Variants in MDN1 observed in about 807,000 individuals in gnomAD.
The protein encoded by MDN1 is midasin AAA ATPase 1.
MDN1 carries 266 observed loss-of-function variants against 669.2 expected under a neutral mutation model. The observed-to-expected ratio is 0.40, with a 90% CI of 0.36 to 0.44. MDN1 has a LOEUF of 0.44. MDN1 is among the 20% of genes least tolerant of loss of function. The probability of loss-of-function intolerance (pLI) is 1.00; values close to 1 mark genes in which losing one functional copy is unlikely to be tolerated. For missense variants in MDN1, 5,940 were observed against 6,754.0 expected (o/e 0.88, Z 4.22); for synonymous variants, 2,385 against 2,457.1 (o/e 0.97, Z 0.87).
chr6:89,788,612 G>C (rs1819091341), intron 7 of MDN1, among the ~76,000 whole-genome samples: 1 of 152,166 alleles, frequency 6.6e-6, no homozygotes, highest in Non-Finnish European at 1.5e-5. Context: ...CTGAGCTAAG[G>C]GCTTTGAACT....
chr6:89,812,893 G>A (rs1768531619), intron 1 of MDN1, among the ~76,000 whole-genome samples: 1 of 151,986 alleles, frequency 6.6e-6, no homozygotes, highest in African/African-American at 2.4e-5. Flanking sequence ...GAGCCCAAGA[G>A]TTCAAGACCA....
chr6:89,750,339 G>A lies in MDN1; in HGVS notation c.3406+15C>T, dbSNP rs752606015. ...AATAAACACCTATGTCCATGGAATG[G>A]AATCTTAACCCTACCTTCCTTAAAG... On this transcript the variant is annotated intron_variant, in intron 24 of 101. Coordinates refer to ENST00000369393, the MANE Select transcript of MDN1 (RefSeq NM_014611.3). 57 of 1,590,522 alleles carry A rather than the reference G, an allele frequency of 3.6e-5. No individual in the cohort carries two copies. Among genetic ancestry groups the A allele is most frequent in the Non-Finnish European group, 4.4e-5 (51 of 1,160,720 alleles).
At chr6:89,704,139 C>T (rs1209040435) in intron 53 of MDN1, among the ~76,000 whole-genome samples, 1 of 151,594 alleles carries the variant, frequency 6.6e-6, no homozygotes, top group East Asian at 1.9e-4. Flanking sequence ...CCAGCATTTA[C>T]GGAGGTTGAC....
intron 33 of MDN1, 84 bp from the exon 34 acceptor site, chr6:89,732,859 C>A: frequency 8.3e-7 from 1 of 1,205,670 alleles, no homozygotes; most frequent in Non-Finnish European, 1.2e-6. Flanking sequence ...CACAAATGGC[C>A]TAAAAGGGGT....
intron 63 of MDN1, among the ~76,000 whole-genome samples, chr6:89,692,089 GCATA>G (rs1399431417): frequency 6.6e-6 from 1 of 152,112 alleles, no homozygotes; most frequent in Non-Finnish European, 1.5e-5. Flanking sequence ...TCTCTTAATT[GCATA>G]CAATGAGAGC....
chr6:89,713,409 C>T (rs1442835177), intron 46 of MDN1, 113 bp from the exon 47 acceptor site: 1 of 956,418 alleles, frequency 1.0e-6, no homozygotes, highest in Non-Finnish European at 1.6e-6. Context: ...CACCCAAATA[C>T]TTACTTTACA....
chr6:89,680,816 C>A, intron 73 of MDN1, 65 bp from the exon 74 acceptor site: 10 of 1,533,744 alleles, frequency 6.5e-6, no homozygotes, highest in Non-Finnish European at 8.8e-6. Context: ...TGCAAGGGAA[C>A]TAAATTTAAC....
intron 37 of MDN1, among the ~76,000 whole-genome samples, chr6:89,726,766 T>G (rs1815266041): frequency 6.6e-6 from 1 of 152,144 alleles, no homozygotes; most frequent in East Asian, 1.9e-4. Context: ...TGTGGTTTGT[T>G]GGTAACATAG....
intron 60 of MDN1, 48 bp from the exon 61 acceptor site, chr6:89,696,040 A>C (rs1167483037): frequency 2.6e-6 from 4 of 1,547,798 alleles, no homozygotes; most frequent in Middle Eastern, 2.4e-4. Flanking sequence ...TGTATCAAAA[A>C]GCATTCCTTT....
In MDN1 at chr6:89,701,633, A is replaced by T; in HGVS notation, c.8352T>A (p.Cys2784Ter). The T allele has an allele frequency of 6.2e-7, 1 of 1,614,190 alleles. No homozygotes were observed. The highest frequency in any genetic ancestry group is 8.5e-7 in the Non-Finnish European group (1 of 1,180,006). Residue 2784 changes from cysteine (C) to a stop codon, truncating the protein, a stop_gained, in exon 55 of 102, where the codon TGT becomes TGA. Coordinates refer to ENST00000369393, the MANE Select transcript of MDN1 (RefSeq NM_014611.3). LOFTEE classifies it high-confidence loss of function. ...CGAAGCCACCAGTCTGGCTCCCCAG[A>T]CAATTCTGAATATGTTCTGAGACAG... ...VQTVSEHIQN[C>*]LGSQTGGFAG...
Position 89,750,404 on chromosome 6 carries a change from T to C in MDN1, c.3356A>G (p.Tyr1119Cys), listed in dbSNP as rs747998888. 35 of 1,614,040 alleles carry C rather than the reference T, an allele frequency of 2.2e-5. No individual in the cohort carries two copies. Among genetic ancestry groups the C allele is most frequent in the Non-Finnish European group, 2.8e-5 (33 of 1,179,868 alleles). The change falls in exon 24 of 102, where the codon TAC becomes TGC. Residue 1119 changes from tyrosine to cysteine, a missense_variant. This residue lies in a region of MDN1 where 2,292 missense variants were observed against 2,638.3 expected (regional missense o/e 0.87). Coordinates refer to ENST00000369393, the MANE Select transcript of MDN1 (RefSeq NM_014611.3). ...GGAGTCAGACGTGTAACAACCAATG[T>C]ACTCCTGAATATCCGTGTGTTCGTG... is the stretch of plus-strand genomic sequence containing the variant. Reference protein sequence around the residue: ...NNHEHTDIQEYIGCYTSDSSG... With the variant: ...NNHEHTDIQECIGCYTSDSSG...
In MDN1 at chr6:89,742,379, G is replaced by C. The variant is rs1053492981; in HGVS notation, c.4448+771C>G. Reference sequence around the variant, plus strand: ...GCTAAAATCACACCACTGCACTCCAGCCTGGGATAAAGAGCAAGACTGTGT... The same window carrying C: ...GCTAAAATCACACCACTGCACTCCACCCTGGGATAAAGAGCAAGACTGTGT... On this transcript the variant is annotated intron_variant, in intron 31 of 101. Transcript: ENST00000369393. Among the ~76,000 whole-genome samples, 5 of 152,174 alleles carry C rather than the reference G, an allele frequency of 3.3e-5. No individual in the cohort carries two copies. In the East Asian group the frequency reaches 9.6e-4, roughly 29 times the overall value.
At chr6:89,793,123 A>C (rs919957089) in intron 5 of MDN1, among the ~76,000 whole-genome samples, 5 of 152,188 alleles carry the variant, frequency 3.3e-5, no homozygotes, top group African/African-American at 1.2e-4. Flanking sequence ...TCGTGGAAAG[A>C]AGCTTGTTGC....
rs373256221 is a variant in MDN1 at position 89,742,702 on chromosome 6, G to A, written c.4448+448C>T. On this transcript the variant is annotated intron_variant, in intron 31 of 101. Coordinates refer to ENST00000369393, the MANE Select transcript of MDN1 (RefSeq NM_014611.3). ...CATATTGGTCTGAGGTCTGATGATG[G>A]CTTATAGCCATGGGTCTAGGATTCT... 2.2e-4 allele frequency among the ~76,000 whole-genome samples: 33 copies of A among 152,292 alleles called. 1 individual carries two copies. The highest frequency in any genetic ancestry group is 7.7e-4 in the African/African-American group (32 of 41,570).
chr6:89,716,595 G>T, intron 44 of MDN1, 55 bp downstream of exon 44: 2 of 1,547,472 alleles, frequency 1.3e-6, no homozygotes, highest in South Asian at 2.5e-5. Flanking sequence ...TTTCTACTTT[G>T]ACAAGCATAT....
At chr6:89,721,609 C>A (rs1226310324) in intron 40 of MDN1, among the ~76,000 whole-genome samples, 11 of 152,112 alleles carry the variant, frequency 7.2e-5, no homozygotes, top group Admixed American at 6.5e-4. Flanking sequence ...AGCAAGCATG[C>A]AGCTTACTGC....
intron 37 of MDN1, among the ~76,000 whole-genome samples, chr6:89,726,841 A>G (rs766351874): frequency 1.3e-5 from 2 of 152,206 alleles, no homozygotes; most frequent in Non-Finnish European, 2.9e-5. Context: ...AGCACACTAC[A>G]TTAGAATTTC....
chr6:89,715,628 G>A (rs748459847), intron 45 of MDN1, 25 bp downstream of exon 45: 8 of 1,426,556 alleles, frequency 5.6e-6, no homozygotes, highest in East Asian at 2.3e-5. Flanking sequence ...AGATTCTGAG[G>A]CAGAAATGTA....
chr6:89,710,823 ACTC>A, intron 49 of MDN1, 29 bp from the exon 50 acceptor site: 1 of 1,357,890 alleles, frequency 7.4e-7, no homozygotes, highest in Non-Finnish European at 1.0e-6. Context: ...CCAGTGTTAG[ACTC>A]TAAAGCAGTG....
Sources: gnomAD v4.1 joint callset for allele counts (sites outside exome capture counted in the v4.1 genomes callset) on GRCh38, gnomAD v4.1.1 for gene constraint, gnomAD v4.1.1 regional missense constraint, MANE v1.5 for transcripts, NCBI Gene and HGNC (gene_info 2026-07-23, HGNC 2026-07-21) for gene names.